Variants in APIP observed in about 807,000 individuals in gnomAD.
The protein encoded by APIP is APAF1 interacting protein.
A neutral mutation model predicts 32.0 loss-of-function variants in APIP; 32 were observed. That is an observed-to-expected ratio of 1.00 (90% CI 0.76 to 1.34). The LOEUF (loss-of-function observed/expected upper bound fraction) is 1.34, where lower values mean the gene tolerates loss of function less well. Among genes scored for constraint, APIP ranks in the 40% most tolerant of loss-of-function variants. The probability of loss-of-function intolerance (pLI) is 0.00; values close to 1 mark genes in which losing one functional copy is unlikely to be tolerated. For synonymous variants in APIP, 92 were observed against 94.8 expected (o/e 0.97, Z 0.17); for missense variants, 247 against 298.6 (o/e 0.83, Z 1.27).
At chr11:34,892,843 C>T (rs533547956) in intron 2 of APIP, among the ~76,000 whole-genome samples, 7 of 152,088 alleles carry the variant, frequency 4.6e-5, no homozygotes, top group Non-Finnish European at 8.8e-5. Flanking sequence ...CCCTAAGCAT[C>T]AAAGAGCCAA....
At chr11:34,897,470 G>A (rs1469818412) in intron 1 of APIP, among the ~76,000 whole-genome samples, 1 of 151,914 alleles carries the variant, frequency 6.6e-6, no homozygotes, top group Non-Finnish European at 1.5e-5. Context: ...AATTAAAATA[G>A]CAAAACTATT....
intron 1 of APIP, among the ~76,000 whole-genome samples, chr11:34,895,864 A>AAAAT (rs58840384): frequency 7.5e-4 from 114 of 151,486 alleles, no homozygotes; most frequent in Admixed American, 2.5e-3. Flanking sequence ...AATGAAAACA[A>AAAAT]AAATAAATAA....
At chr11:34,915,158 G>A (rs1853647457) in intron 1 of APIP, among the ~76,000 whole-genome samples, 1 of 151,958 alleles carries the variant, frequency 6.6e-6, no homozygotes, top group South Asian at 2.1e-4. Context: ...TCTCTTTGAT[G>A]CTCATTCTGA....
intron 1 of APIP, among the ~76,000 whole-genome samples, chr11:34,898,214 G>A (rs1441927446): frequency 6.6e-6 from 1 of 151,974 alleles, no homozygotes; most frequent in Admixed American, 6.6e-5. Flanking sequence ...GGGGCTCTTG[G>A]CCTCTATTTT....
chr11:34,897,502 T>C (rs1853294842), intron 1 of APIP, among the ~76,000 whole-genome samples: 1 of 143,366 alleles, frequency 7.0e-6, no homozygotes, highest in Non-Finnish European at 1.5e-5. Flanking sequence ...TAAGAAATTA[T>C]TTTAGACAGA....
intron 1 of APIP, among the ~76,000 whole-genome samples, chr11:34,903,832 T>C (rs1034059448): frequency 1.1e-4 from 17 of 152,146 alleles, no homozygotes; most frequent in Non-Finnish European, 1.9e-4. Flanking sequence ...ATGGCTACAG[T>C]CAGAGGATGG....
chr11:34,891,194 G>T (rs1853180666), intron 2 of APIP, among the ~76,000 whole-genome samples: 1 of 152,152 alleles, frequency 6.6e-6, no homozygotes, highest in Non-Finnish European at 1.5e-5. Flanking sequence ...GGCTACATGT[G>T]AAGATCTCTT....
At chr11:34,898,787 T>C (rs1271627) in intron 1 of APIP, among the ~76,000 whole-genome samples, 1 of 7,784 alleles carries the variant, frequency 1.3e-4, no homozygotes, top group Non-Finnish European at 2.9e-4. Flanking sequence ...CTTTCTTTGG[T>C]TTTTTTTTTT....
At chr11:34,910,570 G>T (rs567853874) in intron 1 of APIP, among the ~76,000 whole-genome samples, 1 of 152,270 alleles carries the variant, frequency 6.6e-6, no homozygotes, top group East Asian at 1.9e-4. Flanking sequence ...AGAAAAACAG[G>T]AATGGGAGGA....
intron 1 of APIP, among the ~76,000 whole-genome samples, chr11:34,898,593 G>GA (rs1853318056): frequency 6.6e-6 from 1 of 151,688 alleles, no homozygotes. Context: ...TGATGTGCGG[G>GA]AATTTAGTAA....
intron 1 of APIP, 44 bp downstream of exon 1, chr11:34,916,184 C>T (rs552157217): frequency 1.3e-6 from 2 of 1,591,874 alleles, no homozygotes; most frequent in Admixed American, 1.7e-5. Flanking sequence ...CCCGCCTGGG[C>T]CTCTCCTCCT....
intron 1 of APIP, among the ~76,000 whole-genome samples, chr11:34,903,982 G>T (rs1212022593): frequency 1.3e-5 from 2 of 152,180 alleles, no homozygotes; most frequent in Admixed American, 1.3e-4. Flanking sequence ...AGTCAAGCAA[G>T]TTATTAATAC....
At chr11:34,890,656 C>T in intron 2 of APIP, 104 bp from the exon 3 acceptor site, 1 of 1,177,586 alleles carries the variant, frequency 8.5e-7, no homozygotes, top group East Asian at 2.5e-5. Context: ...TCAAGCAATA[C>T]AGCCAGTTGC....
intron 1 of APIP, among the ~76,000 whole-genome samples, chr11:34,902,492 T>C (rs910288511): frequency 2.0e-5 from 3 of 151,736 alleles, no homozygotes; most frequent in African/African-American, 7.3e-5. Flanking sequence ...GGATTAGTAC[T>C]GTCCAAGGGG....
intron 1 of APIP, among the ~76,000 whole-genome samples, chr11:34,914,964 A>G (rs1222385791): frequency 7.2e-6 from 1 of 139,604 alleles, no homozygotes; most frequent in Admixed American, 8.2e-5. Flanking sequence ...AGATCACGCC[A>G]CTGCACTCCA....
intron 1 of APIP, among the ~76,000 whole-genome samples, chr11:34,912,626 G>T (rs1853573557): frequency 6.6e-6 from 1 of 152,164 alleles, no homozygotes; most frequent in Non-Finnish European, 1.5e-5. Flanking sequence ...TGCCAGCATG[G>T]CTAGAATACA....
chr11:34,911,737 G>C (rs952828110), intron 1 of APIP, among the ~76,000 whole-genome samples: 3 of 152,130 alleles, frequency 2.0e-5, no homozygotes, highest in African/African-American at 7.2e-5. Context: ...GCTGGCCCTA[G>C]TATCTTCTTT....
At chr11:34,885,302 T>C (rs1451185115) in intron 5 of APIP, among the ~76,000 whole-genome samples, 1 of 150,394 alleles carries the variant, frequency 6.6e-6, no homozygotes, top group Non-Finnish European at 1.5e-5. Context: ...AAGGTATATA[T>C]ATACACATAT....
At chr11:34,906,233 G>A (rs1853452357) in intron 1 of APIP, among the ~76,000 whole-genome samples, 1 of 152,030 alleles carries the variant, frequency 6.6e-6, no homozygotes, top group Non-Finnish European at 1.5e-5. Context: ...TTGTACTATA[G>A]TAGCACTAGT....
Sources: gnomAD v4.1 joint callset for allele counts (sites outside exome capture counted in the v4.1 genomes callset) on GRCh38, gnomAD v4.1.1 for gene constraint, MANE v1.5 for transcripts, NCBI Gene and HGNC (gene_info 2026-07-23, HGNC 2026-07-21) for gene names.